ZFHX3: variants seen among roughly 807,000 people sequenced by gnomAD.
ZFHX3 encodes zinc finger homeobox 3.
A neutral mutation model predicts 279.1 loss-of-function variants in ZFHX3; 42 were observed. That is an observed-to-expected ratio of 0.15 (90% CI 0.12 to 0.19). The LOEUF is 0.19. Ranked by LOEUF, ZFHX3 falls within the 10% of genes least tolerant of loss-of-function variation. The pLI is 1.00. For missense variants in ZFHX3, 4,981 were observed against 4,754.0 expected, an observed-to-expected ratio of 1.05 and a Z score of -1.40; for synonymous variants, 2,293 against 1,957.8, an observed-to-expected ratio of 1.17 and a Z score of -4.52.
At chr16:73,603,259 T>C (rs1164407126) in intron 2 of ZFHX3, among the ~76,000 whole-genome samples, 2 of 146,464 alleles carry the variant, frequency 1.4e-5, no homozygotes, top group African/African-American at 2.5e-5. Context: ...CACTCCAGCC[T>C]GGGCAACAGA....
At chr16:73,840,407 A>G (rs1597138995) in intron 1 of ZFHX3, among the ~76,000 whole-genome samples, 2 of 152,248 alleles carry the variant, frequency 1.3e-5, no homozygotes, top group Admixed American at 1.3e-4. Context: ...TTCCATGACT[A>G]CTTTACCTTT....
At chr16:73,082,609 T>TC (rs1192926907) in intron 8 of ZFHX3, among the ~76,000 whole-genome samples, 1 of 151,402 alleles carries the variant, frequency 6.6e-6, no homozygotes, top group East Asian at 1.9e-4. Flanking sequence ...TAACTTACTT[T>TC]CTTTTTTTTT....
At chr16:73,502,719 A>T (rs1382695144) in intron 2 of ZFHX3, among the ~76,000 whole-genome samples, 1 of 152,190 alleles carries the variant, frequency 6.6e-6, no homozygotes, top group Admixed American at 6.5e-5. Flanking sequence ...CCGCTGAAAG[A>T]GTGAGAAGAT....
intron 2 of ZFHX3, among the ~76,000 whole-genome samples, chr16:73,652,751 T>G (rs927455021): frequency 4.6e-5 from 7 of 152,158 alleles, no homozygotes; most frequent in African/African-American, 1.7e-4. Context: ...GTATACCTCC[T>G]GCAATTTCTA....
chr16:73,102,638 C>T (rs1011915196), intron 7 of ZFHX3, among the ~76,000 whole-genome samples: 1 of 152,068 alleles, frequency 6.6e-6, no homozygotes, highest in Non-Finnish European at 1.5e-5. Flanking sequence ...AATTTGTCTG[C>T]ATTTGCTAAT....
chr16:72,804,966 TTTTATTTATTTA>T (rs10659744), intron 7 of ZFHX3, among the ~76,000 whole-genome samples: 2 of 151,348 alleles, frequency 1.3e-5, no homozygotes, highest in African/African-American at 2.4e-5. Context: ...AGCAGAGAGA[TTTTATTTATTTA>T]TTTATTTATT....
At chr16:73,858,186 G>A (rs946541247) in intron 1 of ZFHX3, among the ~76,000 whole-genome samples, 3 of 152,020 alleles carry the variant, frequency 2.0e-5, no homozygotes, top group African/African-American at 7.2e-5. Flanking sequence ...TTTCCCCCAT[G>A]CACATGAGGG....
chr16:72,937,655 C>G (rs1329703873), intron 3 of ZFHX3, among the ~76,000 whole-genome samples: 2 of 152,202 alleles, frequency 1.3e-5, no homozygotes, highest in Non-Finnish European at 2.9e-5. Flanking sequence ...CACCGCCATG[C>G]TACACCCCGC....
chr16:73,346,965 A>C (rs747516262), intron 3 of ZFHX3, among the ~76,000 whole-genome samples: 3 of 152,162 alleles, frequency 2.0e-5, no homozygotes, highest in Non-Finnish European at 4.4e-5. Context: ...CATGTTCACT[A>C]TAAGGAGGTA....
intron 3 of ZFHX3, among the ~76,000 whole-genome samples, chr16:73,356,925 T>C (rs2016352134): frequency 6.6e-6 from 1 of 151,524 alleles, no homozygotes; most frequent in Non-Finnish European, 1.5e-5. Context: ...GAAGCAGCCG[T>C]TAACCAGAGA....
intron 4 of ZFHX3, among the ~76,000 whole-genome samples, chr16:73,302,572 G>T (rs988884841): frequency 2.0e-5 from 3 of 152,220 alleles, no homozygotes; most frequent in African/African-American, 7.2e-5. Context: ...ACCCTAACAG[G>T]TTTATGAACT....
At chr16:73,126,145 G>A (rs1242439816) in intron 7 of ZFHX3, among the ~76,000 whole-genome samples, 2 of 152,172 alleles carry the variant, frequency 1.3e-5, no homozygotes, top group Non-Finnish European at 2.9e-5. Flanking sequence ...GGACCAGAAT[G>A]ATGGGTGGAG....
chr16:73,416,835 C>T (rs1165768487), intron 3 of ZFHX3, among the ~76,000 whole-genome samples: 1 of 151,260 alleles, frequency 6.6e-6, no homozygotes, highest in Non-Finnish European at 1.5e-5. Context: ...GATCGCGCCA[C>T]TGCACTCCAG....
intron 4 of ZFHX3, among the ~76,000 whole-genome samples, chr16:73,269,822 C>G (rs2014091001): frequency 6.6e-6 from 1 of 151,862 alleles, no homozygotes; most frequent in South Asian, 2.1e-4. Context: ...GATCTTGGCT[C>G]ACTGCAACCT....
intron 3 of ZFHX3, among the ~76,000 whole-genome samples, chr16:73,452,118 C>T (rs956586559): frequency 1.3e-5 from 2 of 152,182 alleles, no homozygotes. Context: ...TTACAAAATT[C>T]AGTCACATTT....
chr16:73,007,112 G>A (rs1963735563), intron 1 of ZFHX3, among the ~76,000 whole-genome samples: 1 of 152,186 alleles, frequency 6.6e-6, no homozygotes, highest in Non-Finnish European at 1.5e-5. Context: ...TTCAAGAGAA[G>A]ACATTCTGAT....
chr16:73,364,243 C>T (rs554946290), intron 3 of ZFHX3, among the ~76,000 whole-genome samples: 25 of 151,506 alleles, frequency 1.7e-4, no homozygotes, highest in African/African-American at 5.3e-4. Context: ...TAACAAATGC[C>T]GTCTCATCCT....
intron 5 of ZFHX3, among the ~76,000 whole-genome samples, chr16:73,214,313 A>G (rs773398770): frequency 1.3e-5 from 2 of 152,190 alleles, no homozygotes; most frequent in Non-Finnish European, 2.9e-5. Context: ...TCCTCATGCC[A>G]TCTCAGCAAC....
At chr16:73,023,496 T>A (rs1348205357) in intron 1 of ZFHX3, among the ~76,000 whole-genome samples, 1 of 152,112 alleles carries the variant, frequency 6.6e-6, no homozygotes, top group Non-Finnish European at 1.5e-5. Context: ...AAGACAAGTG[T>A]GCACACTGTA....
Sources: gnomAD v4.1 joint callset for allele counts (sites outside exome capture counted in the v4.1 genomes callset) on GRCh38, gnomAD v4.1.1 for gene constraint, MANE v1.5 for transcripts, NCBI Gene and HGNC (gene_info 2026-07-23, HGNC 2026-07-21) for gene names.